SRGAP1: variants seen among roughly 807,000 people sequenced by gnomAD.
The protein encoded by SRGAP1 is SLIT-ROBO Rho GTPase-activating protein 1.
Under a neutral mutation model 121.9 loss-of-function variants are expected in SRGAP1, and 43 were observed. The ratio of observed to expected loss-of-function variants is 0.35; its 90% CI spans 0.28 to 0.46. The LOEUF is 0.46. Among genes scored for constraint, SRGAP1 ranks in the 20% least tolerant of loss-of-function variants. The pLI, the probability that SRGAP1 is intolerant of heterozygous loss-of-function variation, is 1.00. For synonymous variants in SRGAP1, 447 were observed against 485.4 expected (o/e 0.92, Z 1.04); for missense variants, 1,102 against 1,350.9 (o/e 0.82, Z 2.89).
chr12:63,946,952 A>G (rs1340650454), intron 1 of SRGAP1, among the ~76,000 whole-genome samples: 1 of 151,788 alleles, frequency 6.6e-6, no homozygotes, highest in Non-Finnish European at 1.5e-5. Flanking sequence ...TTTTTAATTC[A>G]CTCATATTGC....
intron 3 of SRGAP1, among the ~76,000 whole-genome samples, chr12:63,994,843 T>G (rs1316074181): frequency 6.6e-6 from 1 of 152,234 alleles, no homozygotes; most frequent in African/African-American, 2.4e-5. Context: ...CATGAGCTTT[T>G]GCTTCCTTCT....
chr12:64,003,044 GAGAGAGAA>G (rs1391899645), intron 3 of SRGAP1, among the ~76,000 whole-genome samples: 3 of 127,998 alleles, frequency 2.3e-5, no homozygotes, highest in Admixed American at 9.0e-5. Context: ...GAGAGAGAGA[GAGAGAGAA>G]AGAGAGAAAG....
intron 15 of SRGAP1, among the ~76,000 whole-genome samples, chr12:64,107,086 G>T (rs1053874743): frequency 1.3e-5 from 2 of 152,148 alleles, no homozygotes; most frequent in Non-Finnish European, 2.9e-5. Context: ...AATGGAAGTG[G>T]TTTTTTCTCA....
chr12:64,048,955 C>T (rs1160584079), intron 6 of SRGAP1, among the ~76,000 whole-genome samples: 1 of 152,112 alleles, frequency 6.6e-6, no homozygotes, highest in Admixed American at 6.6e-5. Context: ...TGTGGATTCT[C>T]TCTTCACTTT....
At chr12:64,076,450 A>G (rs1489303395) in intron 8 of SRGAP1, among the ~76,000 whole-genome samples, 1 of 152,222 alleles carries the variant, frequency 6.6e-6, no homozygotes, top group African/African-American at 2.4e-5. Context: ...AGCACTGAGA[A>G]ATAACCAAAA....
At chr12:63,942,417 C>A (rs1456041737) in intron 1 of SRGAP1, among the ~76,000 whole-genome samples, 1 of 152,076 alleles carries the variant, frequency 6.6e-6, no homozygotes, top group Non-Finnish European at 1.5e-5. Flanking sequence ...TTTATTGCAA[C>A]CCATCTTAAA....
chr12:64,043,705 T>C (rs531159696), intron 6 of SRGAP1, 130 bp downstream of exon 6: 1 of 681,206 alleles, frequency 1.5e-6, no homozygotes, highest in Non-Finnish European at 2.3e-6. Context: ...AAAAAAATAC[T>C]TTTATTTAAA....
chr12:63,891,765 T>A (rs1900588257), intron 1 of SRGAP1, among the ~76,000 whole-genome samples: 2 of 152,062 alleles, frequency 1.3e-5, no homozygotes, highest in African/African-American at 4.8e-5. Context: ...GGTGGGAGGA[T>A]CACTTGAGGC....
intron 6 of SRGAP1, among the ~76,000 whole-genome samples, chr12:64,050,649 A>T (rs575012043): frequency 3.2e-4 from 48 of 152,290 alleles, no homozygotes; most frequent in African/African-American, 1.1e-3. Context: ...GCAAGATCTG[A>T]TTTAGGATTA....
chr12:63,937,349 T>A (rs1257514158), intron 1 of SRGAP1, among the ~76,000 whole-genome samples: 1 of 152,194 alleles, frequency 6.6e-6, no homozygotes, highest in Non-Finnish European at 1.5e-5. Flanking sequence ...GGTGACAAGT[T>A]GTATATCTAT....
rs372441466 is a variant in SRGAP1 at position 64,127,699 on chromosome 12, C to T, written c.2515C>T (p.Arg839Cys). Residue 839 changes from arginine (R) to cysteine (C), a missense_variant, in exon 20 of 22, where the codon CGT becomes TGT. Physicochemically the swap from Arg to Cys is radical, Grantham distance 180 (BLOSUM62 -3). Around this residue, in one of 3 missense-constraint regions of SRGAP1, gnomAD observed 315 missense variants for 343.1 expected, o/e 0.92. Transcript: ENST00000355086. ...SSKDMNSPTD[R>C]HPDGYLARQR... ...CAAGGACATGAACTCCCCGACAGAC[C>T]GTCATCCTGACGGCTATTTAGCCAG... 7.4e-6 allele frequency: 12 copies of T among 1,613,964 alleles called. No individual in the cohort carries two copies. In the South Asian group the frequency reaches 9.9e-5, roughly 13 times the overall value.
chr12:64,011,682 G>A (rs1444187218), intron 3 of SRGAP1, among the ~76,000 whole-genome samples: 2 of 152,136 alleles, frequency 1.3e-5, no homozygotes, highest in African/African-American at 4.8e-5. Flanking sequence ...TAATGTTAAT[G>A]TACATTTACT....
chr12:63,966,161 A>G (rs576498625), intron 1 of SRGAP1, among the ~76,000 whole-genome samples: 4 of 152,352 alleles, frequency 2.6e-5, no homozygotes, highest in Admixed American at 2.6e-4. Context: ...CCCCAAATGG[A>G]ATTTGCAGTA....
rs145447460 is a variant in SRGAP1, at chr12:63,978,427, C to T, written c.68-5520C>T. 6.7e-3 allele frequency among the ~76,000 whole-genome samples: 1,025 copies of T among 152,254 alleles called. 4 individuals carry two copies. The highest frequency in any genetic ancestry group is 0.011 in the Non-Finnish European group (734 of 68,014). The stretch of plus-strand genomic sequence containing the variant: ...CTACTTTCTGTCTCTATAGATTAGT[C>T]TATTCTGGACCTTTCATAGGAATGA... On this transcript the variant is annotated intron_variant, in intron 1 of 21. Transcript: ENST00000355086.
At chr12:63,930,215 G>T (rs1412000518) in intron 1 of SRGAP1, among the ~76,000 whole-genome samples, 1 of 151,796 alleles carries the variant, frequency 6.6e-6, no homozygotes, top group Non-Finnish European at 1.5e-5. Flanking sequence ...CCATGGCTGG[G>T]CATGGTGGCT....
chr12:63,919,806 CTGTT>C (rs2136325927), intron 1 of SRGAP1, among the ~76,000 whole-genome samples: 1 of 152,172 alleles, frequency 6.6e-6, no homozygotes, highest in East Asian at 1.9e-4. Flanking sequence ...AATAGTATAA[CTGTT>C]TGACATTGTT....
intron 1 of SRGAP1, chr12:63,871,754 T>C: frequency 8.9e-7 from 1 of 1,119,044 alleles, no homozygotes; most frequent in African/African-American, 1.5e-5. Context: ...ACTGGATCAC[T>C]TGGTCCTTTC....
rs201483684 is a variant in SRGAP1 at position 64,095,321 on chromosome 12, TA to T, written c.1678+118del. On this transcript the variant is annotated intron_variant, in intron 14 of 21. Coordinates refer to ENST00000355086, the MANE Select transcript of SRGAP1 (RefSeq NM_020762.4). ...AAACCTTTCTTTGTATGTACTGCAT[TA>T]GGGGTGCAGCAGTAAGAATCCATTA... The T allele has an allele frequency of 4.4e-3, 3,488 of 792,108 alleles. 76 individuals are homozygous for T. In the African/African-American group the frequency reaches 0.052, roughly 12 times the overall value. 49.1% of individuals were successfully genotyped at this position (792,108 alleles called of 1,614,324 possible).
Position 63,900,299 on chromosome 12 carries a change from G to A in SRGAP1, c.67+55416G>A, listed in dbSNP as rs531740398. 4.8e-5 allele frequency among the ~76,000 whole-genome samples: 7 copies of A among 145,474 alleles called. No individual in the cohort carries two copies. In the South Asian group the frequency reaches 1.1e-3, roughly 23 times the overall value. The stretch of plus-strand genomic sequence containing the variant: ...CGGCTCACTGCAGCCTCTGCCTCCC[G>A]GGTTCAAGCGATTCTCCTGCCTCAG... On this transcript the variant is annotated intron_variant, in intron 1 of 21. Coordinates refer to ENST00000355086, the MANE Select transcript of SRGAP1 (RefSeq NM_020762.4).
Sources: allele counts gnomAD v4.1 joint callset (sites outside exome capture counted in the v4.1 genomes callset), GRCh38; gene constraint gnomAD v4.1.1; regional missense constraint gnomAD v4.1.1; transcripts MANE v1.5; gene names NCBI Gene and HGNC (gene_info 2026-07-23, HGNC 2026-07-21).